The following CTNNBIP1 variants were observed in gnomAD, a reference collection of about 807,000 sequenced individuals.
CTNNBIP1 encodes the protein beta-catenin-interacting protein 1.
A neutral mutation model predicts 11.8 loss-of-function variants in CTNNBIP1; 7 were observed. The ratio of observed to expected loss-of-function variants is 0.60; its 90% CI spans 0.34 to 1.12. The LOEUF is 1.12. CTNNBIP1 is among the 50% of genes most tolerant of loss of function. The probability of loss-of-function intolerance (pLI) is 0.03; values close to 1 mark genes in which losing one functional copy is unlikely to be tolerated. For synonymous variants in CTNNBIP1, 58 were observed against 43.9 expected (o/e 1.32, Z -1.26); for missense variants, 101 against 113.4 (o/e 0.89, Z 0.50).
chr1:9,893,938 T>C (rs1448450722), intron 1 of CTNNBIP1, among the ~76,000 whole-genome samples: 1 of 152,182 alleles, frequency 6.6e-6, no homozygotes, highest in Non-Finnish European at 1.5e-5. Context: ...AAACTGACTA[T>C]TGTACATGCT....
chr1:9,864,879 T>C (rs1436940803), intron 5 of CTNNBIP1, among the ~76,000 whole-genome samples: 1 of 152,180 alleles, frequency 6.6e-6, no homozygotes, highest in Non-Finnish European at 1.5e-5. Flanking sequence ...CTTTCTGAAA[T>C]ACCTAACAGC....
intron 1 of CTNNBIP1, among the ~76,000 whole-genome samples, chr1:9,894,925 T>TTTG (rs1639379635): frequency 2.0e-5 from 3 of 149,018 alleles, no homozygotes; most frequent in South Asian, 4.3e-4. Flanking sequence ...TTTTTTTTTT[T>TTTG]GAGACAGAGT....
At chr1:9,855,801 C>T (rs1404701312) in intron 5 of CTNNBIP1, among the ~76,000 whole-genome samples, 1 of 150,286 alleles carries the variant, frequency 6.7e-6, no homozygotes, top group Non-Finnish European at 1.5e-5. Flanking sequence ...AATCAGCACT[C>T]AAAGCAGCCT....
At position 9,870,721 on chromosome 1, in the gene CTNNBIP1, C is replaced by T. The variant is rs1004838200; in HGVS notation, c.187+466G>A. Reference sequence around the variant, plus strand: ...GAGACATCAGGCCTTTGGGGCATTCCTCCTGGCCACAGCCAGGACCACACC... The same window carrying T: ...GAGACATCAGGCCTTTGGGGCATTCTTCCTGGCCACAGCCAGGACCACACC... On this transcript the variant is annotated intron_variant, in intron 5 of 5. Transcript: ENST00000377263. Among the ~76,000 whole-genome samples, 9 of 152,182 alleles carry T rather than the reference C, an allele frequency of 5.9e-5. 1 individual carries two copies. Among genetic ancestry groups the T allele is most frequent in the Admixed American group, 1.3e-4 (2 of 15,280 alleles).
chr1:9,869,574 C>T (rs948185867), intron 5 of CTNNBIP1, among the ~76,000 whole-genome samples: 1 of 152,166 alleles, frequency 6.6e-6, no homozygotes, highest in Admixed American at 6.5e-5. Context: ...ATCCACCTGC[C>T]TTGGCCTCCC....
At chr1:9,855,845 A>C (rs763096921) in intron 5 of CTNNBIP1, among the ~76,000 whole-genome samples, 2 of 151,176 alleles carry the variant, frequency 1.3e-5, no homozygotes, top group Non-Finnish European at 2.9e-5. Context: ...CTCTCACCTC[A>C]GCCTCCTGAG....
rs1491230169 is a variant in CTNNBIP1 at position 9,855,254 on chromosome 1, CCT to C, written c.188-4480_188-4479del. ...TTTCTTGGGGAGTTTGTAAAAATTG[CCT>C]TTTTTTTTTTTTTTTTTGTAGAAAT... On this transcript the variant is annotated intron_variant, in intron 5 of 5. Transcript: ENST00000377263. 2.7e-3 allele frequency among the ~76,000 whole-genome samples: 350 copies of C among 129,420 alleles called. 1 individual carries two copies. Among genetic ancestry groups the C allele is most frequent in the African/African-American group, 0.01 (308 of 29,548 alleles). 84.9% of individuals were successfully genotyped at this position (129,420 alleles called of 152,430 possible). A position where few individuals can be genotyped will look rare whatever the true frequency, so the allele number is the denominator to read the frequency against.
chr1:9,876,335 G>A (rs140083295), intron 3 of CTNNBIP1, among the ~76,000 whole-genome samples: 11 of 152,260 alleles, frequency 7.2e-5, no homozygotes, highest in African/African-American at 2.4e-4. Context: ...AAAAGAAACA[G>A]GCCAGGCACA....
At chr1:9,863,097 G>A (rs1638667751) in intron 5 of CTNNBIP1, among the ~76,000 whole-genome samples, 1 of 152,204 alleles carries the variant, frequency 6.6e-6, no homozygotes, top group South Asian at 2.1e-4. Context: ...TGCTGAGTAA[G>A]CAGCTGGGGT....
chr1:9,906,014 TA>T (rs903587372), intron 1 of CTNNBIP1, among the ~76,000 whole-genome samples: 2 of 152,100 alleles, frequency 1.3e-5, no homozygotes, highest in African/African-American at 4.8e-5. Context: ...AAGAAGCAGA[TA>T]AAAAAAGGCG....
intron 5 of CTNNBIP1, among the ~76,000 whole-genome samples, chr1:9,862,645 G>A (rs1480809893): frequency 6.6e-6 from 1 of 152,194 alleles, no homozygotes; most frequent in Non-Finnish European, 1.5e-5. Flanking sequence ...TTCTGGAGGA[G>A]AATCCTGTAG....
chr1:9,870,896 G>A (rs946197595), intron 5 of CTNNBIP1, among the ~76,000 whole-genome samples: 10 of 152,288 alleles, frequency 6.6e-5, no homozygotes, highest in South Asian at 4.1e-4. Context: ...AGTTATGAGC[G>A]CCCCCAGACA....
intron 1 of CTNNBIP1, among the ~76,000 whole-genome samples, chr1:9,899,404 C>T (rs945985852): frequency 1.7e-4 from 25 of 143,712 alleles, no homozygotes; most frequent in African/African-American, 6.0e-4. Flanking sequence ...TGCAGTGAGC[C>T]GAGATGGCAC....
rs965068219 is a variant in CTNNBIP1 at position 9,902,101 on chromosome 1, A to G, written c.-144+7994T>C. ...TTGGGGAAGAAAGAACCCTGCCCCCACTCTAATCTGTATATATTGACCCAA... is the reference window on the plus strand; with the variant it reads ...TTGGGGAAGAAAGAACCCTGCCCCCGCTCTAATCTGTATATATTGACCCAA... On this transcript the variant is annotated intron_variant, in intron 1 of 5. Coordinates refer to ENST00000377263, the MANE Select transcript of CTNNBIP1 (RefSeq NM_020248.3). Among the ~76,000 whole-genome samples, 5 of 151,904 alleles carry G rather than the reference A, an allele frequency of 3.3e-5. No individual in the cohort carries two copies. In the South Asian group the frequency reaches 6.2e-4, roughly 19 times the overall value.
At chr1:9,892,634 C>A (rs767934050) in intron 1 of CTNNBIP1, among the ~76,000 whole-genome samples, 2 of 151,884 alleles carry the variant, frequency 1.3e-5, no homozygotes, top group Non-Finnish European at 2.9e-5. Context: ...CTGCCTCTTT[C>A]CAACAGGCTG....
At chr1:9,899,537 G>T (rs1038661697) in intron 1 of CTNNBIP1, among the ~76,000 whole-genome samples, 1 of 150,028 alleles carries the variant, frequency 6.7e-6, no homozygotes, top group African/African-American at 2.5e-5. Context: ...GAGGTGGGTA[G>T]GTCACAAGGT....
chr1:9,880,351 G>A (rs1639056830), intron 2 of CTNNBIP1, among the ~76,000 whole-genome samples: 1 of 152,122 alleles, frequency 6.6e-6, no homozygotes, highest in Non-Finnish European at 1.5e-5. Context: ...GTGTATATGT[G>A]CCACATTTTC....
intron 5 of CTNNBIP1, among the ~76,000 whole-genome samples, chr1:9,870,435 C>A (rs1246991305): frequency 6.6e-6 from 1 of 152,182 alleles, no homozygotes; most frequent in East Asian, 1.9e-4. Flanking sequence ...GGCAAGATGG[C>A]AGACAGTGAA....
chr1:9,881,703 A>C (rs761469562), intron 2 of CTNNBIP1, among the ~76,000 whole-genome samples: 2 of 152,190 alleles, frequency 1.3e-5, no homozygotes, highest in African/African-American at 2.4e-5. Context: ...CAAATGATAC[A>C]GCTGGTCTAG....
Sources: allele counts gnomAD v4.1 joint callset (sites outside exome capture counted in the v4.1 genomes callset), GRCh38; gene constraint gnomAD v4.1.1; transcripts MANE v1.5; gene names NCBI Gene and HGNC (gene_info 2026-07-23, HGNC 2026-07-21).